Variants in PITPNC1 observed in about 807,000 individuals in gnomAD.
PITPNC1 encodes cytoplasmic phosphatidylinositol transfer protein 1.
In PITPNC1, 18 loss-of-function variants were observed where a neutral mutation model predicts 44.7. The ratio of observed to expected loss-of-function variants is 0.40; its 90% CI spans 0.28 to 0.60. The LOEUF is 0.60. PITPNC1 is among the 20% of genes least tolerant of loss of function. The pLI, the probability that PITPNC1 is intolerant of heterozygous loss-of-function variation, is 0.39. For missense variants in PITPNC1, 290 were observed against 418.4 expected, an observed-to-expected ratio of 0.69 and a Z score of 2.68; for synonymous variants, 141 against 149.6, an observed-to-expected ratio of 0.94 and a Z score of 0.42.
intron 5 of PITPNC1, among the ~76,000 whole-genome samples, chr17:67,578,535 A>C (rs2041182164): frequency 6.6e-6 from 1 of 152,226 alleles, no homozygotes; most frequent in African/African-American, 2.4e-5. Context: ...GGAGAGGATG[A>C]CAGGGCACTT....
intron 5 of PITPNC1, among the ~76,000 whole-genome samples, chr17:67,599,035 T>TATATATATATATATATATCTA (rs71139161): frequency 3.5e-5 from 1 of 28,904 alleles, no homozygotes; most frequent in African/African-American, 1.4e-4. Context: ...TATATATATA[T>TATATATATATATATATATCTA]TTTTTTTTTT....
Position 67,400,239 on chromosome 17 carries a change from T to C in PITPNC1, c.48+22037T>C, listed in dbSNP as rs555876505. Among the ~76,000 whole-genome samples the C allele has an allele frequency of 2.6e-5, 4 of 152,350 alleles. No individual in the cohort carries two copies. In the East Asian group the frequency reaches 7.7e-4, roughly 29 times the overall value. ...AACTTTGCCCAGTGGGAATGTTGTGTCATAGTCATAAAGGCTTAAGGATTA... is the reference window on the plus strand; with the variant it reads ...AACTTTGCCCAGTGGGAATGTTGTGCCATAGTCATAAAGGCTTAAGGATTA... On this transcript the variant is annotated intron_variant, in intron 1 of 8. Transcript: ENST00000581322.
chr17:67,515,829 G>A (rs72848150), intron 1 of PITPNC1, among the ~76,000 whole-genome samples: 3 of 152,318 alleles, frequency 2.0e-5, no homozygotes, highest in Non-Finnish European at 2.9e-5. Flanking sequence ...AGGCAGGGAC[G>A]TTCTGCTTTC....
At chr17:67,614,688 A>AT (rs1272979943) in intron 5 of PITPNC1, among the ~76,000 whole-genome samples, 9 of 150,400 alleles carry the variant, frequency 6.0e-5, no homozygotes, top group African/African-American at 1.7e-4. Context: ...AAAAAAAATA[A>AT]ATATATAAAA....
chr17:67,420,596 T>A (rs1472409887), intron 1 of PITPNC1, among the ~76,000 whole-genome samples: 1 of 151,998 alleles, frequency 6.6e-6, no homozygotes, highest in Admixed American at 6.6e-5. Context: ...CACGCCTGGC[T>A]GATTTTTATA....
At chr17:67,482,636 A>G (rs1267977146) in intron 1 of PITPNC1, among the ~76,000 whole-genome samples, 1 of 152,162 alleles carries the variant, frequency 6.6e-6, no homozygotes, top group Non-Finnish European at 1.5e-5. Context: ...CTGCTATTTC[A>G]TGAGATGCAA....
chr17:67,608,616 G>A (rs1181496150), intron 5 of PITPNC1, among the ~76,000 whole-genome samples: 6 of 150,024 alleles, frequency 4.0e-5, no homozygotes, highest in East Asian at 2.0e-4. Context: ...TCAGCCTCCC[G>A]AGCAGCTGGG....
intron 6 of PITPNC1, 35 bp downstream of exon 6, chr17:67,632,273 A>G: frequency 8.1e-7 from 1 of 1,233,376 alleles, no homozygotes; most frequent in Non-Finnish European, 1.2e-6. Flanking sequence ...TGGAAGATTC[A>G]TTCATTCATT....
chr17:67,485,496 C>T (rs1329235432), intron 1 of PITPNC1, among the ~76,000 whole-genome samples: 1 of 151,546 alleles, frequency 6.6e-6, no homozygotes, highest in African/African-American at 2.4e-5. Flanking sequence ...TCCTGAGTAG[C>T]TGGGATTACA....
intron 4 of PITPNC1, among the ~76,000 whole-genome samples, chr17:67,570,668 AGATG>A: frequency 6.6e-6 from 1 of 152,354 alleles, no homozygotes. Flanking sequence ...TCCATTTGAT[AGATG>A]AGGAAACTGA....
chr17:67,648,424 G>C (rs2042174976), intron 6 of PITPNC1, among the ~76,000 whole-genome samples: 1 of 152,228 alleles, frequency 6.6e-6, no homozygotes, highest in South Asian at 2.1e-4. Flanking sequence ...CTTTATGGGA[G>C]GAGCTGGGTT....
chr17:67,662,444 T>A (rs1356050749), intron 6 of PITPNC1, among the ~76,000 whole-genome samples: 1 of 151,794 alleles, frequency 6.6e-6, no homozygotes, highest in Non-Finnish European at 1.5e-5. Flanking sequence ...AAACTCCATC[T>A]CAAAAAAAAG....
intron 5 of PITPNC1, among the ~76,000 whole-genome samples, chr17:67,625,377 C>T (rs1262913348): frequency 2.6e-5 from 4 of 152,088 alleles, no homozygotes; most frequent in East Asian, 1.9e-4. Context: ...AAAAGGCATT[C>T]GCATCCTAAC....
chr17:67,633,377 A>C (rs1044441069), intron 6 of PITPNC1, among the ~76,000 whole-genome samples: 1 of 152,188 alleles, frequency 6.6e-6, no homozygotes, highest in African/African-American at 2.4e-5. Context: ...CGTGGTTCAG[A>C]TTTCTTTTGC....
chr17:67,479,174 A>T (rs1301880815), intron 1 of PITPNC1, among the ~76,000 whole-genome samples: 1 of 152,168 alleles, frequency 6.6e-6, no homozygotes, highest in Admixed American at 6.5e-5. Context: ...GACAGTTATG[A>T]GCCACTGCCT....
At chr17:67,448,004 G>A (rs370255108) in intron 1 of PITPNC1, among the ~76,000 whole-genome samples, 94 of 151,916 alleles carry the variant, frequency 6.2e-4, no homozygotes, top group African/African-American at 2.2e-3. Context: ...GGAGTGCAGT[G>A]GTGCGATCTC....
chr17:67,522,109 G>A (rs1480994086), intron 1 of PITPNC1, among the ~76,000 whole-genome samples: 3 of 152,138 alleles, frequency 2.0e-5, no homozygotes, highest in Non-Finnish European at 4.4e-5. Flanking sequence ...TTCAAGACCA[G>A]CCTGGCCAAC....
chr17:67,622,374 G>A (rs940061444), intron 5 of PITPNC1, among the ~76,000 whole-genome samples: 7 of 142,264 alleles, frequency 4.9e-5, no homozygotes, highest in African/African-American at 2.1e-4. Context: ...GGGTTGGATT[G>A]TATATTCATA....
At chr17:67,623,493 C>A (rs1001411786) in intron 5 of PITPNC1, among the ~76,000 whole-genome samples, 1 of 152,176 alleles carries the variant, frequency 6.6e-6, no homozygotes, top group Admixed American at 6.5e-5. Flanking sequence ...GATTCTCCTG[C>A]CTCACTGAGC....
Sources: gnomAD v4.1 joint callset for allele counts (sites outside exome capture counted in the v4.1 genomes callset) on GRCh38, gnomAD v4.1.1 for gene constraint, MANE v1.5 for transcripts, NCBI Gene and HGNC (gene_info 2026-07-23, HGNC 2026-07-21) for gene names.